Variants in COP1 observed in about 807,000 individuals in gnomAD.
COP1 encodes the protein COP1 E3 ubiquitin ligase.
In COP1, 24 loss-of-function variants were observed where a neutral mutation model predicts 101.3. The ratio of observed to expected loss-of-function variants is 0.24; its 90% CI spans 0.17 to 0.33. COP1 has a LOEUF of 0.33. Ranked by LOEUF, COP1 falls within the 10% of genes least tolerant of loss-of-function variation. The probability of loss-of-function intolerance (pLI) is 1.00; values close to 1 mark genes in which losing one functional copy is unlikely to be tolerated. For synonymous variants in COP1, 347 were observed against 341.9 expected (o/e 1.01, Z -0.17); for missense variants, 663 against 906.2 (o/e 0.73, Z 3.45).
At chr1:176,067,535 T>C (rs1676211621) in intron 11 of COP1, among the ~76,000 whole-genome samples, 1 of 152,032 alleles carries the variant, frequency 6.6e-6, no homozygotes. Flanking sequence ...GCTGGGACGG[T>C]TGGAAGAGAG....
chr1:176,129,961 T>C (rs116006038), intron 8 of COP1, among the ~76,000 whole-genome samples: 488 of 151,940 alleles, frequency 3.2e-3, no homozygotes, highest in African/African-American at 0.011. Flanking sequence ...AATGGCTTCA[T>C]AGGCTTAATA....
At chr1:176,057,279 A>G (rs1406267201) in intron 11 of COP1, among the ~76,000 whole-genome samples, 2 of 152,198 alleles carry the variant, frequency 1.3e-5, no homozygotes, top group Non-Finnish European at 2.9e-5. Context: ...TAAGAACTTA[A>G]GAGTGTATTC....
chr1:176,161,814 T>C (rs1200099580), intron 5 of COP1, among the ~76,000 whole-genome samples: 2 of 152,054 alleles, frequency 1.3e-5, no homozygotes, highest in African/African-American at 4.8e-5. Context: ...AGATATAACA[T>C]GGGAGACAAC....
chr1:176,021,143 C>T (rs1238002385), intron 15 of COP1, among the ~76,000 whole-genome samples: 1 of 152,136 alleles, frequency 6.6e-6, no homozygotes, highest in Non-Finnish European at 1.5e-5. Flanking sequence ...CCACCAGGTC[C>T]AGCCAGGAAT....
chr1:175,998,392 C>T (rs931499032), intron 15 of COP1, among the ~76,000 whole-genome samples: 1 of 149,866 alleles, frequency 6.7e-6, no homozygotes, highest in Non-Finnish European at 1.5e-5. Flanking sequence ...AGCACACCAG[C>T]ATGGCACATG....
At chr1:175,972,504 T>C (rs1057170879) in intron 18 of COP1, among the ~76,000 whole-genome samples, 2 of 150,814 alleles carry the variant, frequency 1.3e-5, no homozygotes, top group Non-Finnish European at 3.0e-5. Context: ...CTGGCTGTGT[T>C]GCCAGAATGG....
intron 18 of COP1, among the ~76,000 whole-genome samples, chr1:175,983,884 G>C (rs369674298): frequency 1.3e-5 from 2 of 152,332 alleles, no homozygotes; most frequent in South Asian, 2.1e-4. Context: ...CTGTCCTTGA[G>C]AGAGATGAGT....
intron 15 of COP1, among the ~76,000 whole-genome samples, chr1:176,010,280 G>T (rs1441494808): frequency 6.6e-6 from 1 of 151,870 alleles, no homozygotes; most frequent in African/African-American, 2.4e-5. Context: ...CCTTTCCTAT[G>T]TACACAATAT....
rs191814499 is a variant in COP1, at chr1:176,172,391, T to C, written c.565+3519A>G. ...TAAAGTTATGACGAAAAAATTTTAA[T>C]GCAAACTTAAAAATATGCACGGATC... is the stretch of plus-strand genomic sequence containing the variant. On this transcript the variant is annotated intron_variant, in intron 3 of 19. Transcript: ENST00000367669. Among the ~76,000 whole-genome samples the C allele has an allele frequency of 3.0e-3, 455 of 152,334 alleles. 2 individuals are homozygous for C. The highest frequency in any genetic ancestry group is 0.01 in the African/African-American group (428 of 41,576).
intron 5 of COP1, among the ~76,000 whole-genome samples, chr1:176,151,449 A>G (rs1355872888): frequency 6.6e-6 from 1 of 152,198 alleles, no homozygotes. Flanking sequence ...CTCTACTCTC[A>G]GTACTCTACA....
intron 11 of COP1, among the ~76,000 whole-genome samples, chr1:176,055,670 C>T (rs973033430): frequency 6.6e-6 from 1 of 152,152 alleles, no homozygotes; most frequent in African/African-American, 2.4e-5. Flanking sequence ...ATAGTTAACC[C>T]GTCCAAAATT....
At chr1:175,989,514 T>C (rs751674525) in intron 15 of COP1, 35 bp from the exon 16 acceptor site, 3 of 1,177,706 alleles carry the variant, frequency 2.5e-6, no homozygotes, top group Non-Finnish European at 3.8e-6. Context: ...ATGTAGTAAA[T>C]GCAGAAATGG....
rs112434112 is a variant in COP1 at position 176,188,740 on chromosome 1, A to G, written c.408-4048T>C. Among the ~76,000 whole-genome samples the G allele has an allele frequency of 2.2e-3, 335 of 152,000 alleles. 1 individual carries two copies. Among genetic ancestry groups the G allele is most frequent in the African/African-American group, 7.7e-3 (318 of 41,484 alleles). On this transcript the variant is annotated intron_variant, in intron 1 of 19. Transcript: ENST00000367669. ...GCACCCATATTAGATGGCAAACCTCACTGTGTTCTTACTCCTCCACCAACC... is the reference window on the plus strand; with the variant it reads ...GCACCCATATTAGATGGCAAACCTCGCTGTGTTCTTACTCCTCCACCAACC...
chr1:176,186,427 GCTC>G (rs1698450673), intron 1 of COP1, among the ~76,000 whole-genome samples: 1 of 151,956 alleles, frequency 6.6e-6, no homozygotes, highest in South Asian at 2.1e-4. Flanking sequence ...GCTAGTCCCA[GCTC>G]CTCAAGAAGC....
At chr1:176,071,554 T>A (rs909539080) in intron 11 of COP1, among the ~76,000 whole-genome samples, 3 of 152,124 alleles carry the variant, frequency 2.0e-5, no homozygotes, top group African/African-American at 7.2e-5. Context: ...ATAAAAATAT[T>A]CTAGACAAAT....
At chr1:176,125,467 A>G (rs951906305) in intron 8 of COP1, among the ~76,000 whole-genome samples, 5 of 152,176 alleles carry the variant, frequency 3.3e-5, no homozygotes, top group Non-Finnish European at 7.4e-5. Context: ...TCCAAGCACC[A>G]TTTATTTAAG....
At chr1:176,132,597 CAT>C (rs1491111488) in intron 8 of COP1, among the ~76,000 whole-genome samples, 4 of 134,196 alleles carry the variant, frequency 3.0e-5, no homozygotes, top group African/African-American at 8.3e-5. Context: ...CACATATACA[CAT>C]ATGTACGTAT....
chr1:176,040,040 T>C (rs1466633313), intron 14 of COP1, among the ~76,000 whole-genome samples: 1 of 152,154 alleles, frequency 6.6e-6, no homozygotes, highest in Non-Finnish European at 1.5e-5. Flanking sequence ...TTGGCAATGA[T>C]TTCTTGGATA....
chr1:176,092,531 C>CA (rs1558091507), intron 9 of COP1, among the ~76,000 whole-genome samples: 1 of 151,696 alleles, frequency 6.6e-6, no homozygotes, highest in Admixed American at 6.6e-5. Context: ...AAGACCAACA[C>CA]AAAAAAATGG....
Sources: allele counts gnomAD v4.1 joint callset (sites outside exome capture counted in the v4.1 genomes callset), GRCh38; gene constraint gnomAD v4.1.1; transcripts MANE v1.5; gene names NCBI Gene and HGNC (gene_info 2026-07-23, HGNC 2026-07-21).